The following SDHB variants were observed in gnomAD, a reference collection of about 807,000 sequenced individuals.
SDHB encodes succinate dehydrogenase [ubiquinone] iron-sulfur subunit, mitochondrial.
In SDHB, 21 loss-of-function variants were observed where a neutral mutation model predicts 39.7. The ratio of observed to expected loss-of-function variants is 0.53; its 90% CI spans 0.37 to 0.76. The LOEUF is 0.76. Ranked by LOEUF, SDHB falls within the 30% of genes least tolerant of loss-of-function variation. The pLI is 0.00. For missense variants in SDHB, 343 were observed against 350.9 expected (o/e 0.98, Z 0.18); for synonymous variants, 118 against 117.0 (o/e 1.01, Z -0.06).
intron 2 of SDHB, among the ~76,000 whole-genome samples, chr1:17,035,323 CT>C (rs1281890023): frequency 6.6e-6 from 1 of 152,116 alleles, no homozygotes; most frequent in Non-Finnish European, 1.5e-5. Flanking sequence ...AGTTACTCCC[CT>C]AAAACTGCAA....
chr1:17,034,020 C>A (rs2078036527), intron 2 of SDHB, among the ~76,000 whole-genome samples: 1 of 152,232 alleles, frequency 6.6e-6, no homozygotes, highest in Admixed American at 6.5e-5. Flanking sequence ...ACCTGGCATA[C>A]AGTAAGTGCT....
chr1:17,046,310 C>G (rs1178051489), intron 1 of SDHB, among the ~76,000 whole-genome samples: 1 of 152,092 alleles, frequency 6.6e-6, no homozygotes, highest in Admixed American at 6.6e-5. Context: ...AGGAAAGATT[C>G]CTGAAGGTAT....
At chr1:17,024,385 T>C (rs117486279) in intron 5 of SDHB, among the ~76,000 whole-genome samples, 3 of 152,280 alleles carry the variant, frequency 2.0e-5, no homozygotes, top group East Asian at 1.9e-4. Context: ...CTCCCATAAA[T>C]TCCAGCTTCC....
intron 1 of SDHB, among the ~76,000 whole-genome samples, chr1:17,051,166 T>C (rs1331723031): frequency 1.3e-5 from 2 of 152,204 alleles, no homozygotes; most frequent in South Asian, 2.1e-4. Context: ...CTATATGATT[T>C]TTTTCCCCTT....
intron 3 of SDHB, among the ~76,000 whole-genome samples, chr1:17,032,336 C>T (rs892995688): frequency 8.1e-5 from 11 of 135,546 alleles, no homozygotes; most frequent in African/African-American, 2.7e-4. Context: ...TACAGGCGTC[C>T]GCTATCACGC....
chr1:17,023,216 G>A (rs2077972521), intron 6 of SDHB: 1 of 272,518 alleles, frequency 3.7e-6, no homozygotes, highest in African/African-American at 2.2e-5. Context: ...GAGATCAGCA[G>A]GCTGAAACGA....
At chr1:17,028,840 C>G in intron 3 of SDHB, 104 bp from the exon 4 acceptor site, 2 of 1,326,408 alleles carry the variant, frequency 1.5e-6, no homozygotes, top group Non-Finnish European at 2.1e-6. Flanking sequence ...AGGGGCAGCA[C>G]TGACATGCAA....
In SDHB at chr1:17,037,572, T is replaced by C. The variant is rs553154382; in HGVS notation, c.201-4427A>G. Among the ~76,000 whole-genome samples the C allele has an allele frequency of 7.2e-5, 11 of 152,290 alleles. No homozygotes were observed. The South Asian group carries it at 2.3e-3, about 32-fold the overall frequency. On this transcript the variant is annotated intron_variant, in intron 2 of 7. Coordinates refer to ENST00000375499, the MANE Select transcript of SDHB (RefSeq NM_003000.3). ...CCTAGGTTCAAGCAATTCTTGTGCC[T>C]TAGCCTTCCAAGAAGCTGGGATTAC...
At chr1:17,030,112 TGAG>T (rs1283982309) in intron 3 of SDHB, among the ~76,000 whole-genome samples, 4 of 152,026 alleles carry the variant, frequency 2.6e-5, no homozygotes, top group Non-Finnish European at 5.9e-5. Context: ...TCATTTGAAC[TGAG>T]GAGGAGAAGG....
Position 17,044,779 on chromosome 1 carries a change from T to C in SDHB, c.182A>G (p.Tyr61Cys), listed in dbSNP as rs768171765. 4 of 1,614,166 alleles carry C rather than the reference T, an allele frequency of 2.5e-6. No homozygotes were observed. The highest frequency in any genetic ancestry group is 2.2e-5 in the South Asian group (2 of 91,086). Residue 61 changes from tyrosine to cysteine, a missense_variant, in exon 2 of 8, where the codon TAT (tyrosine) becomes TGT (cysteine). Transcript: ENST00000375499. ...KAGDKPHMQTYEVDLNKCGPM... is the reference protein window; with the variant it reads ...KAGDKPHMQTCEVDLNKCGPM... ...TACTCACTTATTAAGGTCAACTTCA[T>C]AAGTCTGCATATGAGGTTTGTCTCC... is the stretch of plus-strand genomic sequence containing the variant.
At chr1:17,021,290 G>A (rs977334707) in intron 7 of SDHB, among the ~76,000 whole-genome samples, 2 of 152,232 alleles carry the variant, frequency 1.3e-5, no homozygotes, top group South Asian at 2.1e-4. Flanking sequence ...ATAAAAGGAT[G>A]AGTTTGGATT....
intron 1 of SDHB, among the ~76,000 whole-genome samples, chr1:17,048,893 T>C (rs2078127787): frequency 6.6e-6 from 1 of 152,024 alleles, no homozygotes. Flanking sequence ...ATATTTTTAG[T>C]AGAGACGGGG....
intron 2 of SDHB, among the ~76,000 whole-genome samples, chr1:17,041,617 G>A (rs1316010080): frequency 2.6e-5 from 4 of 151,994 alleles, no homozygotes; most frequent in Admixed American, 6.6e-5. Context: ...AGCCAAGATC[G>A]CACCACTGTA....
chr1:17,028,099 A>G (rs1399083431), intron 4 of SDHB, among the ~76,000 whole-genome samples: 1 of 152,220 alleles, frequency 6.6e-6, no homozygotes, highest in African/African-American at 2.4e-5. Context: ...GAAACCTGCC[A>G]ATCCCACAGT....
intron 1 of SDHB, among the ~76,000 whole-genome samples, chr1:17,053,708 C>G (rs536625060): frequency 5.9e-5 from 9 of 151,930 alleles, no homozygotes; most frequent in Non-Finnish European, 8.8e-5. Context: ...CGTCCCCCCC[C>G]CCCGCACCCT....
chr1:17,045,090 C>A (rs752228839), intron 1 of SDHB: 5 of 575,498 alleles, frequency 8.7e-6, no homozygotes, highest in Non-Finnish European at 3.1e-6. Flanking sequence ...GTATTAGGGG[C>A]TAGTGACACA....
chr1:17,033,292 T>G, intron 2 of SDHB, 147 bp from the exon 3 acceptor site: 1 of 699,020 alleles, frequency 1.4e-6, no homozygotes, highest in Non-Finnish European at 2.6e-6. Context: ...AGTTTTGTTT[T>G]TGCAGATTCT....
intron 7 of SDHB, among the ~76,000 whole-genome samples, chr1:17,019,948 G>C (rs2101509571): frequency 6.6e-6 from 1 of 152,228 alleles, no homozygotes; most frequent in East Asian, 1.9e-4. Flanking sequence ...TGTTGTCCAG[G>C]CTGGTCAAAA....
chr1:17,048,648 C>A (rs2078126764), intron 1 of SDHB, among the ~76,000 whole-genome samples: 1 of 151,984 alleles, frequency 6.6e-6, no homozygotes. Context: ...AAAAATGGGG[C>A]TACTTCAAGT....
Sources: gnomAD v4.1 joint callset for allele counts (sites outside exome capture counted in the v4.1 genomes callset) on GRCh38, gnomAD v4.1.1 for gene constraint, MANE v1.5 for transcripts, NCBI Gene and HGNC (gene_info 2026-07-23, HGNC 2026-07-21) for gene names.